DUSP18: variants seen among roughly 807,000 people sequenced by gnomAD.
DUSP18 encodes dual specificity phosphatase 18.
DUSP18 carries 4 observed loss-of-function variants against 6.3 expected under a neutral mutation model. The observed-to-expected ratio is 0.63, with a 90% CI of 0.31 to 1.45. The LOEUF (loss-of-function observed/expected upper bound fraction) is 1.45, where lower values mean the gene tolerates loss of function less well. DUSP18 is among the 40% of genes most tolerant of loss of function. The pLI is 0.07. For missense variants in DUSP18, 235 were observed against 247.7 expected, an observed-to-expected ratio of 0.95 and a Z score of 0.34; for synonymous variants, 96 against 95.1, an observed-to-expected ratio of 1.01 and a Z score of -0.05.
chr22:30,666,869 C>CA (rs1455780338), intron 1 of DUSP18: 1 of 152,142 alleles, frequency 6.6e-6, no homozygotes, highest in Admixed American at 6.5e-5. Context: ...CAGGGCTTGG[C>CA]ATAGAGTAAG....
chr22:30,664,125 C>G, intron 1 of DUSP18, 45 bp from the exon 2 acceptor site: 1 of 906,352 alleles, frequency 1.1e-6, no homozygotes, highest in Admixed American at 2.6e-5. Flanking sequence ...GCCCAGAGGG[C>G]CAATTCCAGG....
chr22:30,656,197 A>C (rs971797859), intron 2 of DUSP18, among the ~76,000 whole-genome samples: 12 of 151,826 alleles, frequency 7.9e-5, no homozygotes, highest in Admixed American at 7.9e-4. Flanking sequence ...GGCTGATCGC[A>C]AATTCCCAGG....
Position 30,663,250 on chromosome 22 carries a change from ATTAGT to A in DUSP18, c.*182_*186del, listed in dbSNP as rs1396125575. The A allele has an allele frequency of 1.6e-6, 1 of 640,172 alleles. No individual in the cohort carries two copies. Among genetic ancestry groups the A allele is most frequent in the Admixed American group, 3.1e-5 (1 of 32,432 alleles). The allele number at this position is 640,172 out of a possible 1,614,324, so 39.7% of individuals were successfully genotyped here. ...GAAAATTTATCTTCACCATCTCACA[ATTAGT>A]TTAATCTTAAAAAAAATGGATTATA... On this transcript the variant is annotated 3_prime_UTR_variant, in exon 2 of 2. Coordinates refer to ENST00000334679, the MANE Select transcript of DUSP18 (RefSeq NM_152511.5).
At chr22:30,656,551 G>A (rs2088340835), downstream of DUSP18, among the ~76,000 whole-genome samples, 1 of 152,150 alleles carries the variant, frequency 6.6e-6, no homozygotes, top group East Asian at 1.9e-4. Context: ...ATCAAAAAGA[G>A]GCCTAGAATC....
At position 30,663,869 on chromosome 22, in the gene DUSP18, C is replaced by G; in HGVS notation, c.135G>C (p.Gln45His). The change falls in exon 2 of 2, where the codon CAG (glutamine) becomes CAC (histidine). Residue 45 changes from glutamine (Q) to histidine (H), a missense_variant. Gln to His is a conservative substitution (Grantham distance 24). Coordinates refer to ENST00000334679, the MANE Select transcript of DUSP18 (RefSeq NM_152511.5). ...CTGAGACATTGATGACCATGGTGAT[C>G]TGGTTGCTAGACAGCATGAGCTTGT... Reference protein sequence around the residue: ...ANNKLMLSSNQITMVINVSVE... With the variant: ...ANNKLMLSSNHITMVINVSVE... The G allele has an allele frequency of 1.2e-6, 2 of 1,614,202 alleles. No homozygotes were observed. Among genetic ancestry groups the G allele is most frequent in the Non-Finnish European group, 1.7e-6 (2 of 1,180,042 alleles).
At chr22:30,666,644 A>AAAAAAAAAAAAAC in intron 1 of DUSP18, among the ~76,000 whole-genome samples, 1 of 151,204 alleles carries the variant, frequency 6.6e-6, no homozygotes, top group Non-Finnish European at 1.5e-5. Context: ...AAAAAAAAAA[A>AAAAAAAAAAAAAC]AAGCAATCTC....
chr22:30,656,065 T>C (rs2088333180), intron 2 of DUSP18, among the ~76,000 whole-genome samples: 2 of 151,954 alleles, frequency 1.3e-5, no homozygotes, highest in Non-Finnish European at 1.5e-5. Context: ...CTCAACCTCC[T>C]TGGGCTCAAG....
chr22:30,667,604 T>A lies in DUSP18; in HGVS notation c.-220A>T, dbSNP rs2088725221. On this transcript the variant is annotated 5_prime_UTR_variant, in exon 1 of 2. Coordinates refer to ENST00000334679, the MANE Select transcript of DUSP18 (RefSeq NM_152511.5). ...CCTAACGCTTTGGTTTCCATAGCAATGGGCTCGTCGCAGAAAGGAATAGCC... is the reference window on the plus strand; with the variant it reads ...CCTAACGCTTTGGTTTCCATAGCAAAGGGCTCGTCGCAGAAAGGAATAGCC... The A allele has an allele frequency of 6.6e-6, 1 of 152,506 alleles. No homozygotes were observed. The highest frequency in any genetic ancestry group is 2.1e-4 in the South Asian group (1 of 4,840). The allele number at this position is 152,506 out of a possible 1,614,324, so 9.4% of individuals were successfully genotyped here.
intron 2 of DUSP18, chr22:30,654,431 G>A: frequency 2.2e-6 from 1 of 446,574 alleles, no homozygotes; most frequent in South Asian, 1.6e-5. Context: ...GGCTTCAGAT[G>A]CACAACCTGG....
intron 1 of DUSP18, chr22:30,665,560 G>A (rs771442078): frequency 1.1e-5 from 5 of 470,730 alleles, no homozygotes; most frequent in East Asian, 6.9e-5. Flanking sequence ...CAACTTAAAG[G>A]TAACTGTTTT....
intron 1 of DUSP18, among the ~76,000 whole-genome samples, chr22:30,666,194 C>T (rs1401555234): frequency 6.6e-6 from 1 of 152,186 alleles, no homozygotes; most frequent in African/African-American, 2.4e-5. Context: ...GATGTCCCCC[C>T]AAACCAGTGC....
intron 2 of DUSP18, chr22:30,654,143 CTATTTT>C (rs1485096992): frequency 3.4e-5 from 8 of 232,092 alleles, no homozygotes; most frequent in Non-Finnish European, 6.0e-5. Context: ...CCACGCCCGG[CTATTTT>C]TATTTTTTAT....
In DUSP18 at chr22:30,662,306, C is replaced by T. The variant is rs2088500165; in HGVS notation, c.*1131G>A. ...TGGACAGATGAGGACACTGATGCTC[C>T]CAGGGGTCCACATCACATGAAGAGG... is the stretch of plus-strand genomic sequence containing the variant. On this transcript the variant is annotated 3_prime_UTR_variant, in exon 2 of 2. Transcript: ENST00000334679. 6.6e-6 allele frequency: 1 copy of T among 152,158 alleles called. No individual in the cohort carries two copies. Among genetic ancestry groups the T allele is most frequent in the Non-Finnish European group, 1.5e-5 (1 of 68,032 alleles). 9.4% of individuals were successfully genotyped at this position (152,158 alleles called of 1,614,324 possible).
chr22:30,653,045 TG>T (rs1490851663), intron 2 of DUSP18, among the ~76,000 whole-genome samples: 1 of 152,082 alleles, frequency 6.6e-6, no homozygotes, highest in Non-Finnish European at 1.5e-5. Flanking sequence ...CTGTTCTGGG[TG>T]GGGTCTTGTC....
At chr22:30,659,367 ACT>A (rs1371185611), downstream of DUSP18, among the ~76,000 whole-genome samples, 1 of 151,422 alleles carries the variant, frequency 6.6e-6, no homozygotes, top group Non-Finnish European at 1.5e-5. Context: ...TCAGAAAAAG[ACT>A]CTTTTTTTCT....
chr22:30,662,527 A>T lies in DUSP18; in HGVS notation c.*910T>A, dbSNP rs2088508025. 1 of 152,156 alleles carries T rather than the reference A, an allele frequency of 6.6e-6. No individual in the cohort carries two copies. The highest frequency in any genetic ancestry group is 6.5e-5 in the Admixed American group (1 of 15,270). The allele number at this position is 152,156 out of a possible 1,614,324, so 9.4% of individuals were successfully genotyped here. ...CTTTGCCATGTACAATAGCACTCACAATTTTTTTTAAATTTTTTATACAGT... is the reference window on the plus strand; with the variant it reads ...CTTTGCCATGTACAATAGCACTCACTATTTTTTTTAAATTTTTTATACAGT... On this transcript the variant is annotated 3_prime_UTR_variant, in exon 2 of 2. Coordinates refer to ENST00000334679, the MANE Select transcript of DUSP18 (RefSeq NM_152511.5).
chr22:30,664,634 C>T (rs1034729494), intron 1 of DUSP18, among the ~76,000 whole-genome samples: 9 of 152,246 alleles, frequency 5.9e-5, no homozygotes, highest in African/African-American at 1.7e-4. Flanking sequence ...ACTGAGGAGG[C>T]TGGTATAAGA....
chr22:30,655,266 G>GACA (rs2088311893), intron 2 of DUSP18, among the ~76,000 whole-genome samples: 1 of 148,656 alleles, frequency 6.7e-6, no homozygotes, highest in Non-Finnish European at 1.5e-5. Flanking sequence ...GACCCATCTG[G>GACA]ACAACATAGC....
At chr22:30,664,559 T>C (rs1245010310) in intron 1 of DUSP18, among the ~76,000 whole-genome samples, 1 of 152,232 alleles carries the variant, frequency 6.6e-6, no homozygotes, top group Non-Finnish European at 1.5e-5. Context: ...GTCTTCTGAC[T>C]TTATGCCCAA....
Sources: gnomAD v4.1 joint callset for allele counts (sites outside exome capture counted in the v4.1 genomes callset) on GRCh38, gnomAD v4.1.1 for gene constraint, MANE v1.5 for transcripts, NCBI Gene and HGNC (gene_info 2026-07-23, HGNC 2026-07-21) for gene names.